Variants in KANSL1L observed in about 807,000 individuals in gnomAD.
KANSL1L encodes KAT8 regulatory NSL complex subunit 1 like.
Under a neutral mutation model 108.6 loss-of-function variants are expected in KANSL1L, and 25 were observed. The ratio of observed to expected loss-of-function variants is 0.23; its 90% CI spans 0.17 to 0.32. KANSL1L has a LOEUF of 0.32. KANSL1L is among the 10% of genes least tolerant of loss of function. KANSL1L has a pLI of 1.00. For synonymous variants in KANSL1L, 405 were observed against 395.1 expected (o/e 1.03, Z -0.30); for missense variants, 1,137 against 1,125.7 (o/e 1.01, Z -0.14).
chr2:210,045,945 A>C (rs1260065236), intron 6 of KANSL1L, among the ~76,000 whole-genome samples: 1 of 152,154 alleles, frequency 6.6e-6, no homozygotes, highest in Non-Finnish European at 1.5e-5. Context: ...ATGACAAAAT[A>C]CCATAGACTA....
At chr2:210,075,393 T>G (rs2094535275) in intron 6 of KANSL1L, among the ~76,000 whole-genome samples, 159 bp downstream of exon 6, 1 of 152,226 alleles carries the variant, frequency 6.6e-6, no homozygotes, top group Non-Finnish European at 1.5e-5. Flanking sequence ...TTTAGTATTA[T>G]TAATATCTAC....
chr2:210,140,622 T>G (rs1266793846), intron 2 of KANSL1L, among the ~76,000 whole-genome samples: 1 of 152,250 alleles, frequency 6.6e-6, no homozygotes, highest in African/African-American at 2.4e-5. Context: ...TGCTCAAGAT[T>G]GCTTTGGCTC....
intron 8 of KANSL1L, among the ~76,000 whole-genome samples, chr2:210,037,417 G>A (rs866118124): frequency 2.0e-5 from 3 of 151,788 alleles, no homozygotes; most frequent in African/African-American, 7.3e-5. Flanking sequence ...ATCTAGTCTC[G>A]GGACAAATTC....
In KANSL1L at chr2:210,154,172, A is replaced by G. The variant is rs998770909; in HGVS notation, c.411T>C (p.Pro137=). The G allele has an allele frequency of 5.0e-6, 8 of 1,613,826 alleles. No individual in the cohort carries two copies. In the South Asian group the frequency reaches 5.5e-5, roughly 11 times the overall value. The part of the protein sequence containing the change: ...SHSEEFIKKE[P]LSDTTSQCMK... ...TGCACTGGCTCGTGGTATCTGATAGAGGCTCCTTTTTGATGAACTCTTCAG... is the reference window on the plus strand; with the variant it reads ...TGCACTGGCTCGTGGTATCTGATAGGGGCTCCTTTTTGATGAACTCTTCAG... Residue 137 remains proline (P), a synonymous_variant, in exon 2 of 15, where the codon CCT becomes CCC. Coordinates refer to ENST00000281772, the MANE Select transcript of KANSL1L (RefSeq NM_152519.4).
chr2:210,088,812 A>G (rs2094664338), intron 5 of KANSL1L: 1 of 152,284 alleles, frequency 6.6e-6, no homozygotes, highest in Admixed American at 6.5e-5. Flanking sequence ...GCTCTCAGCA[A>G]TATGAAATCC....
At chr2:210,116,493 C>T (rs1217449724) in intron 3 of KANSL1L, among the ~76,000 whole-genome samples, 1 of 152,118 alleles carries the variant, frequency 6.6e-6, no homozygotes, top group Non-Finnish European at 1.5e-5. Context: ...TGTGCAGTCC[C>T]AGTGGTCCTT....
intron 2 of KANSL1L, among the ~76,000 whole-genome samples, chr2:210,139,913 T>C (rs1379727619): frequency 1.3e-5 from 2 of 152,092 alleles, no homozygotes; most frequent in Admixed American, 6.6e-5. Context: ...GGCTAACTTT[T>C]GTATTTTTTT....
chr2:210,094,088 T>C (rs1185073312), intron 5 of KANSL1L, among the ~76,000 whole-genome samples: 1 of 152,084 alleles, frequency 6.6e-6, no homozygotes, highest in African/African-American at 2.4e-5. Context: ...TTAGTGGATA[T>C]AGAGTTTCAG....
chr2:210,144,359 CA>C (rs1427594432), intron 2 of KANSL1L, among the ~76,000 whole-genome samples: 2 of 152,278 alleles, frequency 1.3e-5, no homozygotes, highest in East Asian at 3.9e-4. Context: ...TATCTCTCCC[CA>C]GATTTGTGAC....
At position 210,131,567 on chromosome 2, in the gene KANSL1L, C is replaced by T. The variant is rs186671751; in HGVS notation, c.1089-2395G>A. Among the ~76,000 whole-genome samples, 129 of 152,060 alleles carry T rather than the reference C, an allele frequency of 8.5e-4. 2 individuals are homozygous for T. The South Asian group carries it at 0.018, about 22-fold the overall frequency. The stretch of plus-strand genomic sequence containing the variant: ...TACTTCTGGTAAAGATATTCTGATA[C>T]TCAAGTTAGGATTACAAAAATCATT... On this transcript the variant is annotated intron_variant, in intron 2 of 14. Transcript: ENST00000281772.
At chr2:210,099,279 T>C (rs2094769875) in intron 4 of KANSL1L, among the ~76,000 whole-genome samples, 1 of 152,160 alleles carries the variant, frequency 6.6e-6, no homozygotes, top group Non-Finnish European at 1.5e-5. Flanking sequence ...AATACAGACG[T>C]AGTTCAACAT....
intron 6 of KANSL1L, among the ~76,000 whole-genome samples, chr2:210,065,579 A>ATTT (rs57999970): frequency 6.2e-5 from 4 of 64,908 alleles, no homozygotes; most frequent in East Asian, 5.2e-4. Flanking sequence ...CCTGGACATG[A>ATTT]TTTTTTTTTT....
Position 210,156,563 on chromosome 2 carries a change from T to A in KANSL1L, c.-29-1952A>T, listed in dbSNP as rs560866807. 1.1e-4 allele frequency among the ~76,000 whole-genome samples: 16 copies of A among 152,088 alleles called. No homozygotes were observed. In the South Asian group the frequency reaches 2.3e-3, roughly 22 times the overall value. ...AAAAATAAAAAAGAACACTGTAAAATATATATATAGTATAGTACCATATAA... is the reference window on the plus strand; with the variant it reads ...AAAAATAAAAAAGAACACTGTAAAAAATATATATAGTATAGTACCATATAA... On this transcript the variant is annotated intron_variant, in intron 1 of 14. Coordinates refer to ENST00000281772, the MANE Select transcript of KANSL1L (RefSeq NM_152519.4).
chr2:210,106,671 A>G (rs946199984), intron 3 of KANSL1L, among the ~76,000 whole-genome samples: 3 of 151,552 alleles, frequency 2.0e-5, no homozygotes, highest in Non-Finnish European at 4.4e-5. Flanking sequence ...TGGGAGGCTG[A>G]GGCAAAAGAA....
Position 210,021,738 on chromosome 2 carries a change from AAG to A in KANSL1L, c.*1209_*1210del, listed in dbSNP as rs2125101054. 1.3e-5 allele frequency: 2 copies of A among 152,386 alleles called. No individual in the cohort carries two copies. Among genetic ancestry groups the A allele is most frequent in the East Asian group, 3.9e-4 (2 of 5,184 alleles). 9.4% of individuals were successfully genotyped at this position (152,386 alleles called of 1,614,324 possible). A position where few individuals can be genotyped will look rare whatever the true frequency, so the allele number is the denominator to read the frequency against. ...TGAGTAACCTTTTTTACATGACAAA[AAG>A]TGAGTTATATAAATTGTCCTCAACT... On this transcript the variant is annotated 3_prime_UTR_variant, in exon 15 of 15. Transcript: ENST00000281772.
intron 2 of KANSL1L, 56 bp downstream of exon 2, chr2:210,153,439 G>T: frequency 2.3e-6 from 3 of 1,306,358 alleles, no homozygotes; most frequent in Non-Finnish European, 3.3e-6. Flanking sequence ...TGGAAACTAA[G>T]ATAATTGCTG....
intron 3 of KANSL1L, among the ~76,000 whole-genome samples, chr2:210,119,092 G>A (rs186269201): frequency 2.3e-3 from 352 of 151,976 alleles, no homozygotes; most frequent in African/African-American, 8.0e-3. Context: ...GCTGAGGCAG[G>A]AGAATCTCTT....
chr2:210,070,930 C>T (rs1434050317), intron 6 of KANSL1L, among the ~76,000 whole-genome samples: 3 of 151,998 alleles, frequency 2.0e-5, no homozygotes, highest in Admixed American at 6.5e-5. Flanking sequence ...GAGGCTGAGG[C>T]GGGTGGATCA....
chr2:210,080,774 T>C (rs190506220), intron 5 of KANSL1L, among the ~76,000 whole-genome samples: 49 of 152,174 alleles, frequency 3.2e-4, no homozygotes, highest in Admixed American at 2.6e-3. Flanking sequence ...TATCAGCCCC[T>C]TTTGTGGTCT....
Sources: allele counts gnomAD v4.1 joint callset (sites outside exome capture counted in the v4.1 genomes callset), GRCh38; gene constraint gnomAD v4.1.1; transcripts MANE v1.5; gene names NCBI Gene and HGNC (gene_info 2026-07-23, HGNC 2026-07-21).